Variants in HECTD2 observed in about 807,000 individuals in gnomAD.
HECTD2 encodes the protein probable E3 ubiquitin-protein ligase HECTD2.
A neutral mutation model predicts 103.2 loss-of-function variants in HECTD2; 35 were observed. The observed-to-expected ratio is 0.34, with a 90% confidence interval of 0.26 to 0.45. HECTD2 has a LOEUF of 0.45. HECTD2 is among the 20% of genes least tolerant of loss of function. HECTD2 has a pLI of 1.00. For synonymous variants in HECTD2, 281 were observed against 329.9 expected, an observed-to-expected ratio of 0.85 and a Z score of 1.61; for missense variants, 596 against 937.4, an observed-to-expected ratio of 0.64 and a Z score of 4.76.
intron 19 of HECTD2, 38 bp downstream of exon 19, chr10:91,500,655 G>A: frequency 1.0e-6 from 1 of 961,462 alleles, no homozygotes; most frequent in Non-Finnish European, 1.7e-6. Flanking sequence ...GGGATGTGGA[G>A]AGGGAACAGC....
At chr10:91,426,852 T>A (rs1168592605) in intron 2 of HECTD2, among the ~76,000 whole-genome samples, 1 of 151,334 alleles carries the variant, frequency 6.6e-6, no homozygotes, top group Non-Finnish European at 1.5e-5. Flanking sequence ...CTTGGGGTAT[T>A]TTTTTTTATT....
At position 91,487,805 on chromosome 10, in the gene HECTD2, T is replaced by C. The variant is rs368829641; in HGVS notation, c.1191+27T>C. ...TAAGTCAGCTATAAAAACATATTTATGCTGACTATAATCAGTATAGTAAAT... is the reference window on the plus strand; with the variant it reads ...TAAGTCAGCTATAAAAACATATTTACGCTGACTATAATCAGTATAGTAAAT... On this transcript the variant is annotated intron_variant, in intron 11 of 20. Coordinates refer to ENST00000298068, the MANE Select transcript of HECTD2 (RefSeq NM_182765.6). The surrounding 1 kb of genome is among the most constrained non-coding windows in gnomAD (Gnocchi z 4.1). 5.3e-5 allele frequency: 64 copies of C among 1,206,036 alleles called. 1 individual carries two copies. Among genetic ancestry groups the C allele is most frequent in the Non-Finnish European group, 7.3e-5 (60 of 818,806 alleles). The allele number at this position is 1,206,036 out of a possible 1,614,324, so 74.7% of individuals were successfully genotyped here. A position where few individuals can be genotyped will look rare whatever the true frequency, so the allele number is the denominator to read the frequency against.
intron 1 of HECTD2, among the ~76,000 whole-genome samples, chr10:91,424,926 A>C (rs1843499489): frequency 1.3e-5 from 2 of 151,892 alleles, no homozygotes; most frequent in Non-Finnish European, 2.9e-5. Context: ...CAAAAATAGT[A>C]TTATTTAAAT....
intron 20 of HECTD2, among the ~76,000 whole-genome samples, chr10:91,509,290 T>TA (rs531118026): frequency 4.7e-5 from 7 of 149,224 alleles, no homozygotes; most frequent in South Asian, 2.1e-4. Flanking sequence ...AAAATAAATT[T>TA]AAAAAAAAAA....
At chr10:91,508,144 C>T (rs1255264230) in intron 20 of HECTD2, among the ~76,000 whole-genome samples, 8 of 113,662 alleles carry the variant, frequency 7.0e-5, no homozygotes, top group African/African-American at 1.8e-4. Context: ...AAGACTTAAA[C>T]GTTAGACCTA....
At chr10:91,480,061 A>T (rs1238907770) in intron 6 of HECTD2, among the ~76,000 whole-genome samples, 1 of 152,124 alleles carries the variant, frequency 6.6e-6, no homozygotes, top group African/African-American at 2.4e-5. Context: ...ACGTTTCAGA[A>T]AATCAGTTAC....
intron 20 of HECTD2, among the ~76,000 whole-genome samples, chr10:91,511,656 C>A (rs995012107): frequency 1.3e-5 from 2 of 152,076 alleles, no homozygotes; most frequent in African/African-American, 4.8e-5. Flanking sequence ...ACCTAGATTC[C>A]TTGCACGTGC....
chr10:91,461,784 G>A (rs952519974), intron 4 of HECTD2, among the ~76,000 whole-genome samples: 1 of 151,908 alleles, frequency 6.6e-6, no homozygotes, highest in African/African-American at 2.4e-5. Context: ...CCCGACCTCG[G>A]GTGATCCTCC....
intron 6 of HECTD2, 34 bp from the exon 7 acceptor site, chr10:91,481,060 C>A: frequency 8.0e-7 from 1 of 1,251,216 alleles, no homozygotes; most frequent in South Asian, 1.3e-5. Flanking sequence ...ATTAAACATT[C>A]ATCCATAATA....
chr10:91,460,306 C>A, intron 2 of HECTD2, 121 bp from the exon 3 acceptor site: 1 of 921,518 alleles, frequency 1.1e-6, no homozygotes, highest in Non-Finnish European at 1.6e-6. Context: ...TCTTTAATCT[C>A]AAAGTGAATG....
intron 16 of HECTD2, among the ~76,000 whole-genome samples, chr10:91,498,399 T>C (rs147793304): frequency 2.3e-4 from 35 of 152,344 alleles, no homozygotes; most frequent in African/African-American, 8.2e-4. Context: ...CAGAGTACTC[T>C]CTAGGCAATT....
intron 5 of HECTD2, among the ~76,000 whole-genome samples, chr10:91,473,053 A>G (rs1845784284): frequency 6.6e-6 from 1 of 152,204 alleles, no homozygotes; most frequent in Non-Finnish European, 1.5e-5. Flanking sequence ...GCACAGAAAG[A>G]ATGGGGGTGT....
intron 2 of HECTD2, among the ~76,000 whole-genome samples, chr10:91,427,971 T>C (rs1232290953): frequency 9.3e-5 from 14 of 151,132 alleles, no homozygotes; most frequent in African/African-American, 3.5e-4. Context: ...TCCTGAATGG[T>C]AATGCCTAGG....
chr10:91,437,889 T>C (rs1844201078), intron 2 of HECTD2, among the ~76,000 whole-genome samples: 1 of 151,970 alleles, frequency 6.6e-6, no homozygotes. Flanking sequence ...ATCTAAGAAA[T>C]GATATAAACT....
chr10:91,484,481 T>A lies in HECTD2; in HGVS notation c.822-26T>A, dbSNP rs762321848. 1.9e-6 allele frequency: 3 copies of A among 1,591,826 alleles called. No individual in the cohort carries two copies. In the Admixed American group the frequency reaches 5.4e-5, roughly 29 times the overall value. On this transcript the variant is annotated intron_variant, in intron 8 of 20. Coordinates refer to ENST00000298068, the MANE Select transcript of HECTD2 (RefSeq NM_182765.6). ...GGAAATAGAAAATGTGAATTTTGAT[T>A]GCAATTATTTTGAAATCTTTACCAG...
chr10:91,412,120 T>C (rs1374237977), intron 1 of HECTD2, among the ~76,000 whole-genome samples: 2 of 152,218 alleles, frequency 1.3e-5, no homozygotes, highest in Non-Finnish European at 1.5e-5. Context: ...ATATATCATA[T>C]ATTATTTAAT....
chr10:91,493,474 G>A lies in HECTD2; in HGVS notation c.1487G>A (p.Cys496Tyr). The A allele has an allele frequency of 6.4e-7, 1 of 1,559,562 alleles. No individual in the cohort carries two copies. The change falls in exon 14 of 21, where the codon TGT (cysteine) becomes TAT (tyrosine). Residue 496 changes from cysteine to tyrosine, a missense_variant. Cys to Tyr is a radical substitution (Grantham distance 194). Around this residue, in one of 4 missense-constraint regions of HECTD2, gnomAD observed 303 missense variants for 522.5 expected, o/e 0.58. Coordinates refer to ENST00000298068, the MANE Select transcript of HECTD2 (RefSeq NM_182765.6). ...SHCHWFSSFK[C>Y]DNYSEFRLVG... ...TGCCATTGGTTTAGCAGCTTTAAAT[G>A]TGATAACTATTCTGAATTCCGATTG...
chr10:91,425,159 G>A (rs1483545831), intron 1 of HECTD2, 122 bp from the exon 2 acceptor site: 8 of 772,574 alleles, frequency 1.0e-5, no homozygotes, highest in East Asian at 9.8e-5. Context: ...ATTTATATAC[G>A]TTTTTATCTA....
intron 16 of HECTD2, 56 bp from the exon 17 acceptor site, chr10:91,498,816 C>A: frequency 2.8e-6 from 3 of 1,072,998 alleles, no homozygotes; most frequent in Non-Finnish European, 4.1e-6. Context: ...AACCTGTTCA[C>A]CAAAGTATGT....
Sources: gnomAD v4.1 joint callset for allele counts (sites outside exome capture counted in the v4.1 genomes callset) on GRCh38, gnomAD v4.1.1 for gene constraint, gnomAD v4.1.1 regional missense constraint, Gnocchi (gnomAD v3.1) non-coding constraint, MANE v1.5 for transcripts, NCBI Gene and HGNC (gene_info 2026-07-23, HGNC 2026-07-21) for gene names.